The following ADGRL2 variants were observed in gnomAD, a reference collection of about 807,000 sequenced individuals.
ADGRL2 encodes the protein calcium-independent alpha-latrotoxin receptor 2.
A neutral mutation model predicts 157.4 loss-of-function variants in ADGRL2; 44 were observed. The observed-to-expected ratio is 0.28, with a 90% confidence interval of 0.22 to 0.36. The LOEUF (loss-of-function observed/expected upper bound fraction) is 0.36. Among genes scored for constraint, ADGRL2 ranks in the 10% least tolerant of loss-of-function variants. The probability of loss-of-function intolerance (pLI) is 1.00; values close to 1 mark genes in which losing one functional copy is unlikely to be tolerated. For missense variants in ADGRL2, 1,510 were observed against 1,768.9 expected (o/e 0.85, Z 2.63); for synonymous variants, 585 against 624.7 (o/e 0.94, Z 0.95).
intron 2 of ADGRL2, among the ~76,000 whole-genome samples, chr1:81,468,499 A>G (rs2078105994): frequency 6.6e-6 from 1 of 152,228 alleles, no homozygotes; most frequent in Non-Finnish European, 1.5e-5. Context: ...TCTTATGGAA[A>G]AGAAGTTTTC....
intron 2 of ADGRL2, among the ~76,000 whole-genome samples, chr1:81,843,781 A>G (rs2092688445): frequency 1.3e-5 from 2 of 152,186 alleles, no homozygotes; most frequent in Admixed American, 6.5e-5. Context: ...GTCATCTTAT[A>G]TACCAATATT....
intron 2 of ADGRL2, among the ~76,000 whole-genome samples, chr1:81,551,246 T>G (rs1206133635): frequency 6.6e-6 from 1 of 152,180 alleles, no homozygotes; most frequent in Non-Finnish European, 1.5e-5. Flanking sequence ...GACAGGTTTT[T>G]CCTCTTTTCA....
At chr1:81,843,275 G>A (rs1571608000) in intron 2 of ADGRL2, among the ~76,000 whole-genome samples, 1 of 152,002 alleles carries the variant, frequency 6.6e-6, no homozygotes, top group East Asian at 1.9e-4. Flanking sequence ...TGGGACTACA[G>A]GCACCCACCA....
intron 2 of ADGRL2, among the ~76,000 whole-genome samples, chr1:81,763,850 T>G (rs2085998940): frequency 1.3e-5 from 2 of 150,458 alleles, no homozygotes; most frequent in Non-Finnish European, 3.0e-5. Flanking sequence ...CTACTAAATA[T>G]ACAAAATTAG....
intron 1 of ADGRL2, among the ~76,000 whole-genome samples, chr1:81,443,245 A>G (rs888640501): frequency 2.0e-5 from 3 of 151,890 alleles, no homozygotes; most frequent in Admixed American, 2.0e-4. Context: ...ACATGATGAA[A>G]CCCCATCTCT....
intron 2 of ADGRL2, among the ~76,000 whole-genome samples, chr1:81,534,824 A>G (rs1253268717): frequency 2.0e-5 from 3 of 152,222 alleles, no homozygotes; most frequent in African/African-American, 7.2e-5. Flanking sequence ...GGTGGCTGGT[A>G]AGAACAGAAT....
chr1:81,605,626 G>C (rs983233699), intron 3 of ADGRL2, among the ~76,000 whole-genome samples: 1 of 152,168 alleles, frequency 6.6e-6, no homozygotes, highest in Non-Finnish European at 1.5e-5. Context: ...GAATTTCTCT[G>C]ATGATGCCAT....
intron 2 of ADGRL2, among the ~76,000 whole-genome samples, chr1:81,454,638 T>C (rs74958332): frequency 0.043 from 6,522 of 152,208 alleles, 155 homozygotes; most frequent in Middle Eastern, 0.075. Flanking sequence ...ATTTAGCACT[T>C]CGTTGAAAAA....
At chr1:81,887,489 C>T (rs143588334) in intron 2 of ADGRL2, among the ~76,000 whole-genome samples, 6 of 152,136 alleles carry the variant, frequency 3.9e-5, no homozygotes, top group African/African-American at 1.4e-4. Context: ...AGTATTATTT[C>T]ATGAAATTTG....
At chr1:81,976,880 T>A (rs1660333235) in intron 17 of ADGRL2, among the ~76,000 whole-genome samples, 1 of 151,924 alleles carries the variant, frequency 6.6e-6, no homozygotes, top group Non-Finnish European at 1.5e-5. Flanking sequence ...TAAATAGGAT[T>A]TCTTTGAGGC....
chr1:81,800,321 G>A (rs1217581358), upstream of ADGRL2: 2 of 152,182 alleles, frequency 1.3e-5, no homozygotes, highest in Admixed American at 6.5e-5. Flanking sequence ...TAACGAGCGC[G>A]CCGGAAATCT....
chr1:81,616,020 G>A (rs758873580), intron 3 of ADGRL2, among the ~76,000 whole-genome samples: 22 of 151,884 alleles, frequency 1.4e-4, no homozygotes, highest in Non-Finnish European at 2.2e-4. Context: ...ATGCCACTGC[G>A]CACTCAAGCC....
rs1661205773 is a variant in ADGRL2, at chr1:81,979,980, AT to A, written c.3113+24del. The stretch of plus-strand genomic sequence containing the variant: ...CATTAAGTAAGTATTTTGTATTTTA[AT>A]TTTAATACTTGACAAACTAAGTAAA... On this transcript the variant is annotated intron_variant, in intron 18 of 23. Transcript: ENST00000686636. 1.5e-6 allele frequency: 2 copies of A among 1,349,480 alleles called. No individual in the cohort carries two copies. Among genetic ancestry groups the A allele is most frequent in the Non-Finnish European group, 2.1e-6 (2 of 942,544 alleles). The allele number at this position is 1,349,480 out of a possible 1,614,324, so 83.6% of individuals were successfully genotyped here.
intron 2 of ADGRL2, among the ~76,000 whole-genome samples, chr1:81,567,792 TG>T (rs2148481937): frequency 6.6e-6 from 1 of 152,228 alleles, no homozygotes; most frequent in East Asian, 1.9e-4. Context: ...AAAATATTGT[TG>T]AAACAAACTA....
chr1:81,389,592 G>A (rs906290162), intron 1 of ADGRL2, among the ~76,000 whole-genome samples: 3 of 152,170 alleles, frequency 2.0e-5, no homozygotes, highest in African/African-American at 7.2e-5. Context: ...TATTGAAAGA[G>A]GCCTGGATTG....
At chr1:81,432,847 C>T (rs1281259561) in intron 1 of ADGRL2, among the ~76,000 whole-genome samples, 1 of 152,172 alleles carries the variant, frequency 6.6e-6, no homozygotes, top group East Asian at 1.9e-4. Flanking sequence ...TGTGCAGCAT[C>T]TATAAACGTC....
At chr1:81,944,073 G>T (rs1648970640) in intron 6 of ADGRL2, among the ~76,000 whole-genome samples, 1 of 151,886 alleles carries the variant, frequency 6.6e-6, no homozygotes, top group South Asian at 2.1e-4. Flanking sequence ...TCCCCTACTT[G>T]ACTGCTGAAT....
At chr1:81,479,995 G>A (rs1049823524) in intron 2 of ADGRL2, among the ~76,000 whole-genome samples, 11 of 152,094 alleles carry the variant, frequency 7.2e-5, no homozygotes, top group Non-Finnish European at 1.6e-4. Context: ...CTGATTTTTT[G>A]TAGGTAAGGA....
chr1:81,662,913 T>C (rs1169335396), intron 3 of ADGRL2, among the ~76,000 whole-genome samples: 1 of 152,116 alleles, frequency 6.6e-6, no homozygotes, highest in Non-Finnish European at 1.5e-5. Context: ...CCTTCCGCAC[T>C]GCTTAAAGGT....
Sources: allele counts gnomAD v4.1 joint callset (sites outside exome capture counted in the v4.1 genomes callset), GRCh38; gene constraint gnomAD v4.1.1; transcripts MANE v1.5; gene names NCBI Gene and HGNC (gene_info 2026-07-23, HGNC 2026-07-21).